LMBRD2: variants seen among roughly 807,000 people sequenced by gnomAD.
LMBRD2 encodes G protein-coupled receptor-associated protein LMBRD2.
A neutral mutation model predicts 94.4 loss-of-function variants in LMBRD2; 55 were observed. The ratio of observed to expected loss-of-function variants is 0.58; its 90% CI spans 0.47 to 0.73. The LOEUF is 0.73. LMBRD2 is among the 30% of genes least tolerant of loss of function. The probability of loss-of-function intolerance (pLI) is 0.00; values close to 1 mark genes in which losing one functional copy is unlikely to be tolerated. For missense variants in LMBRD2, 640 were observed against 831.9 expected (o/e 0.77, Z 2.84); for synonymous variants, 246 against 272.4 (o/e 0.90, Z 0.95).
chr5:36,149,676 G>A (rs1043445623), intron 1 of LMBRD2, among the ~76,000 whole-genome samples: 2 of 152,214 alleles, frequency 1.3e-5, no homozygotes, highest in Non-Finnish European at 1.5e-5. Flanking sequence ...GGAGGCTGAG[G>A]TGGGTGGATC....
intron 6 of LMBRD2, among the ~76,000 whole-genome samples, chr5:36,128,532 G>A (rs1227841024): frequency 6.6e-6 from 1 of 151,958 alleles, no homozygotes; most frequent in Non-Finnish European, 1.5e-5. Context: ...AACAGCCTGG[G>A]CAACATGGTG....
chr5:36,132,433 G>A (rs2111892199), intron 6 of LMBRD2, among the ~76,000 whole-genome samples: 1 of 152,044 alleles, frequency 6.6e-6, no homozygotes, highest in African/African-American at 2.4e-5. Flanking sequence ...TACAAGCACA[G>A]GCAATCTAAG....
intron 6 of LMBRD2, among the ~76,000 whole-genome samples, chr5:36,128,255 C>A (rs527477653): frequency 6.6e-6 from 1 of 152,206 alleles, no homozygotes; most frequent in African/African-American, 2.4e-5. Flanking sequence ...ACTTAGATTA[C>A]AATACCCAAG....
At chr5:36,147,635 T>C (rs1199801028) in intron 1 of LMBRD2, among the ~76,000 whole-genome samples, 1 of 152,196 alleles carries the variant, frequency 6.6e-6, no homozygotes, top group Admixed American at 6.5e-5. Flanking sequence ...TTTATAATGG[T>C]TTCACAATTA....
At chr5:36,128,467 A>T (rs1441869841) in intron 6 of LMBRD2, among the ~76,000 whole-genome samples, 1 of 152,128 alleles carries the variant, frequency 6.6e-6, no homozygotes, top group East Asian at 1.9e-4. Flanking sequence ...CACTCCTGTA[A>T]TCCCAGCACT....
intron 16 of LMBRD2, among the ~76,000 whole-genome samples, chr5:36,107,638 G>A (rs1195056841): frequency 6.6e-6 from 1 of 152,150 alleles, no homozygotes; most frequent in Non-Finnish European, 1.5e-5. Flanking sequence ...CTATGACCTT[G>A]TACTTAGTAG....
In LMBRD2 at chr5:36,103,941, A is replaced by T; in HGVS notation, c.*105T>A. 1 of 734,908 alleles carries T rather than the reference A, an allele frequency of 1.4e-6. No individual in the cohort carries two copies. Among genetic ancestry groups the T allele is most frequent in the Admixed American group, 2.5e-5 (1 of 40,658 alleles). 45.5% of individuals were successfully genotyped at this position (734,908 alleles called of 1,614,324 possible). A position where few individuals can be genotyped will look rare whatever the true frequency, so the allele number is the denominator to read the frequency against. ...TCTCAGTGCCTTTTTTGTTATCTTGACACTTTTCACTGTGTATAGAGGAAA... is the reference window on the plus strand; with the variant it reads ...TCTCAGTGCCTTTTTTGTTATCTTGTCACTTTTCACTGTGTATAGAGGAAA... On this transcript the variant is annotated 3_prime_UTR_variant, in exon 18 of 18. Transcript: ENST00000296603.
At chr5:36,112,143 A>G (rs1743624231) in intron 13 of LMBRD2, among the ~76,000 whole-genome samples, 1 of 152,164 alleles carries the variant, frequency 6.6e-6, no homozygotes, top group Non-Finnish European at 1.5e-5. Context: ...AAATGTGTAA[A>G]TATCTAGCTA....
At chr5:36,114,970 T>C (rs377370775) in intron 12 of LMBRD2, 45 bp downstream of exon 12, 12 of 1,234,236 alleles carry the variant, frequency 9.7e-6, no homozygotes, top group African/African-American at 3.0e-5. Flanking sequence ...CAGCACCTCA[T>C]ATAGATAGTG....
At chr5:36,118,130 G>A (rs1334234923) in intron 9 of LMBRD2, among the ~76,000 whole-genome samples, 1 of 152,190 alleles carries the variant, frequency 6.6e-6, no homozygotes, top group Non-Finnish European at 1.5e-5. Context: ...GTACTGATAG[G>A]AATGTGACAT....
chr5:36,142,709 CTTTA>C (rs948140207), intron 2 of LMBRD2, 110 bp from the exon 3 acceptor site: 4 of 557,320 alleles, frequency 7.2e-6, no homozygotes, highest in Non-Finnish European at 1.2e-5. Flanking sequence ...CTTGGCTATG[CTTTA>C]TTCTTTTTTT....
intron 1 of LMBRD2, among the ~76,000 whole-genome samples, chr5:36,145,558 A>G (rs1325224485): frequency 6.6e-6 from 1 of 152,278 alleles, no homozygotes; most frequent in Non-Finnish European, 1.5e-5. Context: ...TAGATTAAGT[A>G]GTTGGCTGAA....
chr5:36,122,255 T>C (rs759169093), intron 9 of LMBRD2, 25 bp downstream of exon 9: 9 of 1,522,124 alleles, frequency 5.9e-6, no homozygotes, highest in East Asian at 2.3e-5. Context: ...TCATTAAAGT[T>C]TGAAATTTAT....
At chr5:36,117,660 A>T in intron 10 of LMBRD2, 75 bp downstream of exon 10, 2 of 1,063,642 alleles carry the variant, frequency 1.9e-6, no homozygotes, top group Non-Finnish European at 2.6e-6. Flanking sequence ...TTACTAGAAG[A>T]AATACATGGA....
chr5:36,119,239 C>T (rs576636069), intron 9 of LMBRD2, among the ~76,000 whole-genome samples: 1 of 152,204 alleles, frequency 6.6e-6, no homozygotes, highest in Non-Finnish European at 1.5e-5. Flanking sequence ...CTCCACCCTA[C>T]CTCAATTACT....
At chr5:36,137,141 G>T in intron 5 of LMBRD2, 133 bp downstream of exon 5, 16 of 549,040 alleles carry the variant, frequency 2.9e-5, no homozygotes, top group South Asian at 2.7e-4. Context: ...TATTCTTTTG[G>T]GGAAATCCAT....
intron 13 of LMBRD2, among the ~76,000 whole-genome samples, chr5:36,112,375 C>T (rs1047157212): frequency 6.6e-6 from 1 of 152,098 alleles, no homozygotes; most frequent in African/African-American, 2.4e-5. Context: ...TATCAGGAAA[C>T]AACTTATGCT....
At chr5:36,126,986 G>C (rs894642638) in intron 6 of LMBRD2, among the ~76,000 whole-genome samples, 1 of 152,262 alleles carries the variant, frequency 6.6e-6, no homozygotes, top group South Asian at 2.1e-4. Context: ...TACCCATCCC[G>C]CAAGGCCCAG....
At chr5:36,145,937 A>G (rs943793478) in intron 1 of LMBRD2, among the ~76,000 whole-genome samples, 7 of 152,330 alleles carry the variant, frequency 4.6e-5, no homozygotes, top group Admixed American at 4.6e-4. Flanking sequence ...GTAACAATGA[A>G]ATATATTAAA....
Sources: allele counts gnomAD v4.1 joint callset (sites outside exome capture counted in the v4.1 genomes callset), GRCh38; gene constraint gnomAD v4.1.1; transcripts MANE v1.5; gene names NCBI Gene and HGNC (gene_info 2026-07-23, HGNC 2026-07-21).